ANO10: variants seen among roughly 807,000 people sequenced by gnomAD.
The protein encoded by ANO10 is anoctamin-10.
In ANO10, 77 loss-of-function variants were observed where a neutral mutation model predicts 74.7. The ratio of observed to expected loss-of-function variants is 1.03; its 90% CI spans 0.86 to 1.25. ANO10 has a LOEUF of 1.25. Among genes scored for constraint, ANO10 ranks in the 50% most tolerant of loss-of-function variants. The pLI is 0.00. For synonymous variants in ANO10, 279 were observed against 284.9 expected (o/e 0.98, Z 0.21); for missense variants, 721 against 778.1 (o/e 0.93, Z 0.87).
chr3:43,390,034 G>A (rs568032699), intron 12 of ANO10, among the ~76,000 whole-genome samples: 2 of 152,340 alleles, frequency 1.3e-5, no homozygotes, highest in Admixed American at 6.5e-5. Flanking sequence ...ACAGTCATAC[G>A]CAAGAAAGGA....
At chr3:43,484,989 G>A in intron 11 of ANO10, 1 of 1,437,012 alleles carries the variant, frequency 7.0e-7, no homozygotes, top group Non-Finnish European at 9.5e-7. Context: ...AAGGTGTTGG[G>A]CCTCTTGGTG....
intron 1 of ANO10, among the ~76,000 whole-genome samples, chr3:43,661,428 C>T (rs1040899018): frequency 4.6e-5 from 7 of 152,174 alleles, no homozygotes; most frequent in Admixed American, 3.9e-4. Context: ...ATAGGAACAA[C>T]CAGTACCAGC....
chr3:43,429,708 AG>A, intron 12 of ANO10, among the ~76,000 whole-genome samples: 1 of 152,312 alleles, frequency 6.6e-6, no homozygotes, highest in East Asian at 1.9e-4. Flanking sequence ...AAATGTAGGC[AG>A]TGTGTATGTG....
At chr3:43,531,747 T>C (rs2078477105) in intron 11 of ANO10, among the ~76,000 whole-genome samples, 1 of 151,838 alleles carries the variant, frequency 6.6e-6, no homozygotes, top group African/African-American at 2.4e-5. Flanking sequence ...ATACAAAAAT[T>C]AGCCAGGCGT....
At position 43,555,311 on chromosome 3, in the gene ANO10, G is replaced by A; in HGVS notation, c.1635C>T (p.Phe545=). The A allele has an allele frequency of 6.2e-7, 1 of 1,614,030 alleles. No homozygotes were observed. Among genetic ancestry groups the A allele is most frequent in the South Asian group, 1.1e-5 (1 of 91,080 alleles). ...CACCAATATTGGCTGAAGGTTCTGA[G>A]AATGGACGTTTGAAGACCCTGCACA... The part of the protein sequence containing the change: ...LKMCRVFKRP[F]SEPSANIGVW... Residue 545 remains phenylalanine (F), a synonymous_variant, in exon 10 of 13, where the codon TTC becomes TTT. Coordinates refer to ENST00000292246, the MANE Select transcript of ANO10 (RefSeq NM_018075.5).
chr3:43,432,119 T>A lies in ANO10; in HGVS notation c.1914+492A>T, dbSNP rs551391395. Among the ~76,000 whole-genome samples the A allele has an allele frequency of 7.6e-4, 108 of 141,188 alleles. 1 individual carries two copies. Among genetic ancestry groups the A allele is most frequent in the African/African-American group, 2.7e-3 (104 of 38,892 alleles). 92.6% of individuals were successfully genotyped at this position (141,188 alleles called of 152,430 possible). On this transcript the variant is annotated intron_variant, in intron 12 of 12. Transcript: ENST00000292246. ...CAAAATGGTCAACTCCAGCATGGCT[T>A]TTTTTTTTTTTTTTTGTAGTCTCTG...
At chr3:43,668,075 C>A (rs189928707) in intron 1 of ANO10, among the ~76,000 whole-genome samples, 24 of 152,282 alleles carry the variant, frequency 1.6e-4, no homozygotes, top group African/African-American at 5.8e-4. Flanking sequence ...TCCCTTTTCA[C>A]CACATCCACA....
chr3:43,542,461 A>G (rs1323118338), intron 11 of ANO10, among the ~76,000 whole-genome samples: 1 of 152,234 alleles, frequency 6.6e-6, no homozygotes, highest in African/African-American at 2.4e-5. Context: ...AGCCTGGCCC[A>G]TGACAACAAA....
At chr3:43,409,423 T>C (rs1257189952) in intron 12 of ANO10, among the ~76,000 whole-genome samples, 1 of 152,076 alleles carries the variant, frequency 6.6e-6, no homozygotes, top group African/African-American at 2.4e-5. Flanking sequence ...CATGCATCTT[T>C]GGTCCCAGCT....
chr3:43,427,209 G>A lies in ANO10; in HGVS notation c.1914+5402C>T, dbSNP rs2092911844. Among the ~76,000 whole-genome samples, 3 of 152,158 alleles carry A rather than the reference G, an allele frequency of 2.0e-5. No individual in the cohort carries two copies. The South Asian group carries it at 6.2e-4, about 32-fold the overall frequency. On this transcript the variant is annotated intron_variant, in intron 12 of 12. Coordinates refer to ENST00000292246, the MANE Select transcript of ANO10 (RefSeq NM_018075.5). ...CCTGACTTGTCCACAGGTGGCACAAGGTGGCCTCAAACTTGCTTGTTCTTG... is the reference window on the plus strand; with the variant it reads ...CCTGACTTGTCCACAGGTGGCACAAAGTGGCCTCAAACTTGCTTGTTCTTG...
intron 11 of ANO10, among the ~76,000 whole-genome samples, chr3:43,448,876 T>TTC (rs1553667363): frequency 6.7e-6 from 1 of 149,144 alleles, no homozygotes; most frequent in Non-Finnish European, 1.5e-5. Flanking sequence ...TTTCTTTCTT[T>TTC]TTTTTTTTTT....
intron 12 of ANO10, among the ~76,000 whole-genome samples, chr3:43,371,937 C>G (rs1406060522): frequency 6.6e-6 from 1 of 152,184 alleles, no homozygotes; most frequent in Non-Finnish European, 1.5e-5. Flanking sequence ...CCAAGCCTGT[C>G]TGGGCTTGGT....
rs1446844129 is a variant in ANO10, at chr3:43,653,929, T to A, written c.-12+37588A>T. On this transcript the variant is annotated intron_variant, in intron 1 of 3. Coordinates refer to the ANO10 transcript ENST00000413397. ...GATGCAAAGAGCAGTTTGCTGGGGT[T>A]TTTTTTTTTTTTGCAACTTCTGGAA... Among the ~76,000 whole-genome samples the A allele has an allele frequency of 7.4e-5, 8 of 108,576 alleles. No individual in the cohort carries two copies. The East Asian group carries it at 8.0e-4, about 11-fold the overall frequency. The allele number at this position is 108,576 out of a possible 152,430, so 71.2% of individuals were successfully genotyped here.
intron 1 of ANO10, chr3:43,691,257 G>A (rs1417562277): frequency 2.5e-6 from 1 of 401,656 alleles, no homozygotes; most frequent in Non-Finnish European, 4.3e-6. Context: ...GCCCCGAGGT[G>A]TCTGAGCCGG....
upstream of ANO10, among the ~76,000 whole-genome samples, chr3:43,623,246 A>G (rs1016792892): frequency 6.6e-6 from 1 of 152,188 alleles, no homozygotes; most frequent in African/African-American, 2.4e-5. Context: ...ATTTGGAGAG[A>G]GAGAGAGAGA....
chr3:43,683,873 C>T (rs2084236791), intron 1 of ANO10, among the ~76,000 whole-genome samples: 1 of 152,044 alleles, frequency 6.6e-6, no homozygotes, highest in Admixed American at 6.5e-5. Context: ...AACTGGCTAG[C>T]CATATGTAGA....
At chr3:43,551,025 T>G (rs1255874933) in intron 10 of ANO10, among the ~76,000 whole-genome samples, 1 of 152,228 alleles carries the variant, frequency 6.6e-6, no homozygotes, top group African/African-American at 2.4e-5. Context: ...TGAGGGACTT[T>G]CTGTGTCAAT....
intron 1 of ANO10, among the ~76,000 whole-genome samples, chr3:43,616,843 C>A (rs1379758974): frequency 6.6e-6 from 1 of 151,982 alleles, no homozygotes; most frequent in South Asian, 2.1e-4. Flanking sequence ...GGTAATCCCA[C>A]CTGGGTAGGT....
intron 12 of ANO10, chr3:43,372,777 A>G: frequency 1.4e-6 from 2 of 1,432,438 alleles, no homozygotes; most frequent in South Asian, 2.4e-5. Context: ...CCCAGGACCT[A>G]TGACAGTGCC....
Sources: allele counts gnomAD v4.1 joint callset (sites outside exome capture counted in the v4.1 genomes callset), GRCh38; gene constraint gnomAD v4.1.1; transcripts MANE v1.5; gene names NCBI Gene and HGNC (gene_info 2026-07-23, HGNC 2026-07-21).